Variants in CASP10 observed in about 807,000 individuals in gnomAD.
CASP10 encodes the protein caspase-10.
In CASP10, 41 loss-of-function variants were observed where a neutral mutation model predicts 48.5. The observed-to-expected ratio is 0.85, with a 90% CI of 0.66 to 1.10. CASP10 has a LOEUF of 1.10. CASP10 is among the 50% of genes least tolerant of loss of function. CASP10 has a pLI of 0.00. For synonymous variants in CASP10, 232 were observed against 238.4 expected (o/e 0.97, Z 0.25); for missense variants, 614 against 614.5 (o/e 1.00, Z 0.01).
chr2:201,226,479 TA>T (rs778640503), downstream of CASP10, among the ~76,000 whole-genome samples: 2 of 152,180 alleles, frequency 1.3e-5, no homozygotes, highest in African/African-American at 2.4e-5. Flanking sequence ...AAAATAAACT[TA>T]AAAACATTGT....
At chr2:201,226,573 A>G (rs1487551088), downstream of CASP10, among the ~76,000 whole-genome samples, 4 of 152,174 alleles carry the variant, frequency 2.6e-5, no homozygotes, top group Non-Finnish European at 2.9e-5. Flanking sequence ...TCAGCCTCCC[A>G]AAGTATTGAA....
At chr2:201,226,414 G>A (rs1280410505), downstream of CASP10, among the ~76,000 whole-genome samples, 1 of 152,188 alleles carries the variant, frequency 6.6e-6, no homozygotes, top group African/African-American at 2.4e-5. Flanking sequence ...ATTTATAAAT[G>A]TTGGAAATTT....
chr2:201,223,978 T>G (rs1472306471), downstream of CASP10, among the ~76,000 whole-genome samples: 1 of 151,128 alleles, frequency 6.6e-6, no homozygotes, highest in East Asian at 1.9e-4. Flanking sequence ...TCTTTTCTTT[T>G]TTTTTTTTTT....
Position 201,186,163 on chromosome 2 carries a change from A to G in CASP10, c.347+39A>G, listed in dbSNP as rs1944410560. ...TGTGGTGGAGATGGGAGGATCTCCCATCTAGTGTTCATTCTGGCCATTGGG... is the reference window on the plus strand; with the variant it reads ...TGTGGTGGAGATGGGAGGATCTCCCGTCTAGTGTTCATTCTGGCCATTGGG... On this transcript the variant is annotated intron_variant, in intron 2 of 9. Coordinates refer to ENST00000286186, the MANE Select transcript of CASP10 (RefSeq NM_032977.4). 3.5e-6 allele frequency: 5 copies of G among 1,444,958 alleles called. No homozygotes were observed. In the East Asian group the frequency reaches 1.1e-4, roughly 33 times the overall value. 89.5% of individuals were successfully genotyped at this position (1,444,958 alleles called of 1,614,324 possible). A position where few individuals can be genotyped will look rare whatever the true frequency, so the allele number is the denominator to read the frequency against.
intron 9 of CASP10, 138 bp from the exon 10 acceptor site, chr2:201,217,450 T>C: frequency 1.6e-6 from 1 of 636,290 alleles, no homozygotes; most frequent in South Asian, 1.6e-5. Flanking sequence ...TCCCAGCTAC[T>C]CGGGAGGCTG....
downstream of CASP10, among the ~76,000 whole-genome samples, chr2:201,224,414 A>T (rs1453292955): frequency 6.6e-6 from 1 of 152,204 alleles, no homozygotes; most frequent in African/African-American, 2.4e-5. Context: ...GCAAATCTGA[A>T]TTTTTATGAA....
At chr2:201,215,970 C>G (rs1429378291) in intron 9 of CASP10, among the ~76,000 whole-genome samples, 2 of 151,808 alleles carry the variant, frequency 1.3e-5, no homozygotes, top group Non-Finnish European at 2.9e-5. Flanking sequence ...TTGATAGGGA[C>G]TGCATTAAAT....
Position 201,217,273 on chromosome 2 carries a change from T to A in CASP10, c.1416-315T>A, listed in dbSNP as rs200612490. Among the ~76,000 whole-genome samples, 4 of 152,090 alleles carry A rather than the reference T, an allele frequency of 2.6e-5. No homozygotes were observed. The East Asian group carries it at 7.7e-4, about 29-fold the overall frequency. ...GTTTCTACCTCCTGACTGAAAAAAG[T>A]TTCTTCTCTGGGCCAGGCACAGTGG... is the stretch of plus-strand genomic sequence containing the variant. On this transcript the variant is annotated intron_variant, in intron 9 of 9. Coordinates refer to ENST00000286186, the MANE Select transcript of CASP10 (RefSeq NM_032977.4).
intron 3 of CASP10, among the ~76,000 whole-genome samples, chr2:201,189,276 T>A (rs1012150417): frequency 4.0e-5 from 6 of 151,364 alleles, no homozygotes; most frequent in African/African-American, 1.5e-4. Flanking sequence ...AGTTATTTTT[T>A]TTTTTTTTTT....
chr2:201,227,810 C>T (rs1376455323), intron 9 of CASP10, among the ~76,000 whole-genome samples: 4 of 151,718 alleles, frequency 2.6e-5, no homozygotes, highest in Admixed American at 6.6e-5. Context: ...CCGCCCGTCT[C>T]GGTCTCCCAA....
downstream of CASP10, among the ~76,000 whole-genome samples, chr2:201,225,801 T>G (rs1945780712): frequency 1.3e-5 from 2 of 152,028 alleles, no homozygotes; most frequent in African/African-American, 4.8e-5. Context: ...GTGAAACCTG[T>G]CTGTACTAAA....
Position 201,218,707 on chromosome 2 carries a change from CT to C in CASP10, c.*967del. On this transcript the variant is annotated 3_prime_UTR_variant, in exon 10 of 10. Transcript: ENST00000286186. ...AGACAACTACCCCTTAGTTATAATT[CT>C]GTGTCCCCTCTGCATGCCCTTAAAC... is the stretch of plus-strand genomic sequence containing the variant. 1 of 985,430 alleles carries C rather than the reference CT, an allele frequency of 1.0e-6. No individual in the cohort carries two copies. The highest frequency in any genetic ancestry group is 1.2e-6 in the Non-Finnish European group (1 of 829,942). 61.0% of individuals were successfully genotyped at this position (985,430 alleles called of 1,614,324 possible). A position where few individuals can be genotyped will look rare whatever the true frequency, so the allele number is the denominator to read the frequency against.
intron 4 of CASP10, chr2:201,193,428 G>C: frequency 2.9e-6 from 1 of 346,890 alleles, no homozygotes; most frequent in East Asian, 7.4e-5. Context: ...GGCTGGTCTC[G>C]AACTCCTGAC....
chr2:201,217,955 C>A lies in CASP10; in HGVS notation c.*214C>A. The stretch of plus-strand genomic sequence containing the variant: ...TTTGGAGATAGTCTCATTCTGTCAC[C>A]CAGACTGGAGTGCAGGGGGGCAATC... On this transcript the variant is annotated 3_prime_UTR_variant, in exon 10 of 10. Coordinates refer to ENST00000286186, the MANE Select transcript of CASP10 (RefSeq NM_032977.4). 2 of 1,295,162 alleles carry A rather than the reference C, an allele frequency of 1.5e-6. No homozygotes were observed. Among genetic ancestry groups the A allele is most frequent in the East Asian group, 3.4e-5 (1 of 29,772 alleles). The allele number at this position is 1,295,162 out of a possible 1,614,324, so 80.2% of individuals were successfully genotyped here.
In CASP10 at chr2:201,203,724, T is replaced by C; in HGVS notation, c.685-6T>C. The C allele has an allele frequency of 6.2e-7, 1 of 1,613,474 alleles. No homozygotes were observed. The highest frequency in any genetic ancestry group is 8.5e-7 in the Non-Finnish European group (1 of 1,179,414). On this transcript the variant is annotated splice_polypyrimidine_tract_variant and splice_region_variant and intron_variant, in intron 5 of 9. Transcript: ENST00000286186. ...ATGTTTCATGCCCTCCTTTCTTTTT[T>C]CTCAGCAGGAGTCCTGGCAAAATAA...
chr2:201,197,482 G>A (rs2126025950), intron 5 of CASP10, among the ~76,000 whole-genome samples: 1 of 152,270 alleles, frequency 6.6e-6, no homozygotes, highest in African/African-American at 2.4e-5. Context: ...GGGCGTGGTG[G>A]TGCATGCCTA....
At chr2:201,188,644 G>A (rs2126009899) in intron 3 of CASP10, among the ~76,000 whole-genome samples, 1 of 152,294 alleles carries the variant, frequency 6.6e-6, no homozygotes, top group East Asian at 1.9e-4. Flanking sequence ...CACTCGTGGT[G>A]CAGTTTGGCA....
intron 4 of CASP10, 28 bp from the exon 5 acceptor site, chr2:201,195,814 A>G: frequency 6.4e-7 from 1 of 1,560,474 alleles, no homozygotes; most frequent in Non-Finnish European, 8.8e-7. Context: ...GGTGATTTTT[A>G]TTTTTCTGTC....
chr2:201,200,454 TG>T (rs1576104164), intron 5 of CASP10: 1 of 1,598,342 alleles, frequency 6.3e-7, no homozygotes, highest in Non-Finnish European at 8.5e-7. Context: ...AAGGTGTTTT[TG>T]TTTTTTTAAA....
Sources: gnomAD v4.1 joint callset for allele counts (sites outside exome capture counted in the v4.1 genomes callset) on GRCh38, gnomAD v4.1.1 for gene constraint, MANE v1.5 for transcripts, NCBI Gene and HGNC (gene_info 2026-07-23, HGNC 2026-07-21) for gene names.